Variants in TENM3 observed in about 807,000 individuals in gnomAD.
TENM3 encodes the protein teneurin-3.
In TENM3, 63 loss-of-function variants were observed where a neutral mutation model predicts 255.1. The observed-to-expected ratio is 0.25, with a 90% CI of 0.20 to 0.30. The LOEUF is 0.30. Among genes scored for constraint, TENM3 ranks in the 10% least tolerant of loss-of-function variants. The pLI is 1.00. For missense variants in TENM3, 2,929 were observed against 3,461.1 expected, an observed-to-expected ratio of 0.85 and a Z score of 3.86; for synonymous variants, 1,306 against 1,322.3, an observed-to-expected ratio of 0.99 and a Z score of 0.27.
At chr4:182,339,598 G>T (rs1764354448) in intron 2 of TENM3, among the ~76,000 whole-genome samples, 1 of 152,108 alleles carries the variant, frequency 6.6e-6, no homozygotes, top group Non-Finnish European at 1.5e-5. Context: ...CTTTCCCCCT[G>T]CCTCGGCCTT....
chr4:182,569,170 T>A (rs1046726499), intron 3 of TENM3, among the ~76,000 whole-genome samples: 1 of 152,138 alleles, frequency 6.6e-6, no homozygotes, highest in Non-Finnish European at 1.5e-5. Flanking sequence ...AAACATGTAA[T>A]CAAAATCTAT....
chr4:182,368,627 ATGT>A (rs1181479468), intron 3 of TENM3, among the ~76,000 whole-genome samples: 2 of 152,226 alleles, frequency 1.3e-5, no homozygotes, highest in Non-Finnish European at 2.9e-5. Context: ...TAGCCTTAAA[ATGT>A]TGTCATAGTT....
the TENM3 span, among the ~76,000 whole-genome samples, chr4:181,836,757 G>A: frequency 6.6e-6 from 1 of 152,186 alleles, no homozygotes; most frequent in East Asian, 1.9e-4. Context: ...TTGCACTTCC[G>A]TATGTATTTC....
chr4:181,656,486 G>A, the TENM3 span, among the ~76,000 whole-genome samples: 1 of 152,184 alleles, frequency 6.6e-6, no homozygotes, highest in Non-Finnish European at 1.5e-5. Flanking sequence ...AAATAGAATA[G>A]GCAATGGTGT....
At chr4:182,235,982 G>A (rs1756879933) in intron 1 of TENM3, among the ~76,000 whole-genome samples, 1 of 152,186 alleles carries the variant, frequency 6.6e-6, no homozygotes, top group African/African-American at 2.4e-5. Context: ...GCATTGAAAG[G>A]TTTGATACAG....
In TENM3 at chr4:182,525,848, A is replaced by G. The variant is rs375438641; in HGVS notation, c.512-75076A>G. ...AGACATTCTGATAAGTAATATGGAA[A>G]TATTCAAGCCTCATGAGAGGACATA... On this transcript the variant is annotated intron_variant, in intron 3 of 27. Coordinates refer to ENST00000511685, the MANE Select transcript of TENM3 (RefSeq NM_001080477.4). Among the ~76,000 whole-genome samples, 45 of 152,372 alleles carry G rather than the reference A, an allele frequency of 3.0e-4. 1 individual carries two copies. Among genetic ancestry groups the G allele is most frequent in the African/African-American group, 1.0e-3 (43 of 41,596 alleles).
the TENM3 span, among the ~76,000 whole-genome samples, chr4:181,958,179 C>G: frequency 9.2e-5 from 14 of 152,190 alleles, no homozygotes; most frequent in African/African-American, 3.4e-4. Context: ...ATCTGCCTTT[C>G]TTCCTGAACA....
the TENM3 span, among the ~76,000 whole-genome samples, chr4:182,042,684 T>C: frequency 6.6e-6 from 1 of 152,218 alleles, no homozygotes; most frequent in African/African-American, 2.4e-5. Flanking sequence ...AATTGAGTTA[T>C]ACGAGCATAT....
Position 182,179,677 on chromosome 4 carries a change from C to G in TENM3, c.-76+34923C>G, listed in dbSNP as rs571334147. Among the ~76,000 whole-genome samples the G allele has an allele frequency of 3.3e-5, 5 of 152,324 alleles. No homozygotes were observed. In the South Asian group the frequency reaches 1.0e-3, roughly 32 times the overall value. On this transcript the variant is annotated intron_variant, in intron 1 of 2. Transcript: ENST00000512480. ...AAACTGTCATTTCCCTCTCACGGAA[C>G]ACATTTACTTAATCCTTTGATTCAA...
At chr4:182,708,792 C>T (rs1315502218) in intron 12 of TENM3, among the ~76,000 whole-genome samples, 4 of 126,096 alleles carry the variant, frequency 3.2e-5, no homozygotes, top group Non-Finnish European at 5.0e-5. Context: ...AGCGAGACTC[C>T]GTCTCAAAAA....
At chr4:181,757,859 G>A in the TENM3 span, among the ~76,000 whole-genome samples, 1 of 152,170 alleles carries the variant, frequency 6.6e-6, no homozygotes, top group Admixed American at 6.5e-5. Context: ...TTAAAGGGTA[G>A]TAAATTAGCT....
chr4:182,564,236 T>A (rs952366453), intron 3 of TENM3, among the ~76,000 whole-genome samples: 1 of 152,090 alleles, frequency 6.6e-6, no homozygotes, highest in African/African-American at 2.4e-5. Context: ...CTTTTGGCTC[T>A]ACTGAATGCT....
At chr4:182,555,767 A>T (rs1742522535) in intron 3 of TENM3, among the ~76,000 whole-genome samples, 1 of 152,150 alleles carries the variant, frequency 6.6e-6, no homozygotes, top group Admixed American at 6.5e-5. Context: ...GATTTGTAAA[A>T]TATGCTTTTT....
Position 182,730,913 on chromosome 4 carries a change from C to G in TENM3, c.2741C>G (p.Thr914Ser), listed in dbSNP as rs558608996. The change falls in exon 16 of 28, where the codon ACT (threonine) becomes AGT (serine). Residue 914 changes from threonine (T) to serine (S), a missense_variant. By Grantham distance (58) the Thr-to-Ser change is moderately conservative. Coordinates refer to ENST00000511685, the MANE Select transcript of TENM3 (RefSeq NM_001080477.4). ...DLVANGGASL[T>S]LVFERSPFLT... is the part of the protein sequence containing the mutation. ...GTGGCAAATGGTGGGGCCTCTCTAA[C>G]TTTGGTATTTGAACGATCCCCATTC... The G allele has an allele frequency of 6.8e-6, 11 of 1,613,914 alleles. No individual in the cohort carries two copies. In the African/African-American group the frequency reaches 9.3e-5, roughly 14 times the overall value.
intron 3 of TENM3, among the ~76,000 whole-genome samples, chr4:182,381,908 G>A (rs551537801): frequency 6.6e-6 from 1 of 152,282 alleles, no homozygotes; most frequent in East Asian, 1.9e-4. Flanking sequence ...TTATCCAAAG[G>A]GAAGAAATCG....
At chr4:182,458,919 A>T (rs1000610029) in intron 3 of TENM3, among the ~76,000 whole-genome samples, 4 of 152,218 alleles carry the variant, frequency 2.6e-5, no homozygotes, top group Non-Finnish European at 5.9e-5. Flanking sequence ...GTCGTAATAG[A>T]GATTCTAAAA....
chr4:182,505,926 C>T (rs1392576838), intron 3 of TENM3, among the ~76,000 whole-genome samples: 1 of 152,116 alleles, frequency 6.6e-6, no homozygotes, highest in Non-Finnish European at 1.5e-5. Context: ...TAAAGCAAAG[C>T]ATTAATTTTC....
chr4:182,544,424 G>T (rs538308798), intron 3 of TENM3, among the ~76,000 whole-genome samples: 1 of 140,946 alleles, frequency 7.1e-6, no homozygotes, highest in Non-Finnish European at 1.5e-5. Flanking sequence ...TCTGCCTCCC[G>T]GGTTCAAGCG....
chr4:182,106,921 G>T, the TENM3 span, among the ~76,000 whole-genome samples: 1 of 152,140 alleles, frequency 6.6e-6, no homozygotes, highest in African/African-American at 2.4e-5. Context: ...TTGAAGAAAA[G>T]GTGAAAGTGG....
Sources: allele counts gnomAD v4.1 joint callset (sites outside exome capture counted in the v4.1 genomes callset), GRCh38; gene constraint gnomAD v4.1.1; transcripts MANE v1.5; gene names NCBI Gene and HGNC (gene_info 2026-07-23, HGNC 2026-07-21).